The following RAB3GAP1 variants were observed in gnomAD, a reference collection of about 807,000 sequenced individuals.
RAB3GAP1 encodes the protein RAB3 GTPase activating protein catalytic subunit 1, also known as rab3 GTPase-activating protein catalytic subunit.
A neutral mutation model predicts 130.7 loss-of-function variants in RAB3GAP1; 86 were observed. The observed-to-expected ratio is 0.66, with a 90% CI of 0.55 to 0.79. RAB3GAP1 has a LOEUF of 0.79. Among genes scored for constraint, RAB3GAP1 ranks in the 30% least tolerant of loss-of-function variants. The pLI is 0.00. For synonymous variants in RAB3GAP1, 367 were observed against 401.7 expected (o/e 0.91, Z 1.03); for missense variants, 1,029 against 1,169.4 (o/e 0.88, Z 1.75).
chr2:135,071,474 C>T (rs532822282), intron 3 of RAB3GAP1, among the ~76,000 whole-genome samples: 344 of 150,668 alleles, frequency 2.3e-3, no homozygotes, highest in African/African-American at 7.9e-3. Flanking sequence ...GTTGTGGGTA[C>T]GACTGGCTGG....
chr2:135,115,231 T>A lies in RAB3GAP1; in HGVS notation c.498T>A (p.Phe166Leu). The change falls in exon 7 of 24, where the codon TTT (phenylalanine) becomes TTA (leucine). Residue 166 changes from phenylalanine to leucine, a missense_variant. Phe to Leu is a conservative substitution (Grantham distance 22). Coordinates refer to ENST00000264158, the MANE Select transcript of RAB3GAP1 (RefSeq NM_012233.3). ...TGTCTTGCAGTCAGGTGCCACTCTT[T>A]GTGCAAATTCACCACAAATGGCGAA... ...LGNTGCQVPL[F>L]VQIHHKWRRM... 2 of 1,611,112 alleles carry A rather than the reference T, an allele frequency of 1.2e-6. No homozygotes were observed. The highest frequency in any genetic ancestry group is 1.7e-6 in the Non-Finnish European group (2 of 1,177,312).
Position 135,134,050 on chromosome 2 carries a change from TCA to T in RAB3GAP1, c.1499+18_1499+19del. Reference sequence around the variant, plus strand: ...GATTCCAGGGTAATAATTTCAATTTTCAATTGTTTGGATACGATTTTGTTTGT... The same window carrying T: ...GATTCCAGGGTAATAATTTCAATTTTATTGTTTGGATACGATTTTGTTTGT... On this transcript the variant is annotated intron_variant, in intron 15 of 23. Transcript: ENST00000264158. The T allele has an allele frequency of 1.1e-5, 17 of 1,613,346 alleles. No homozygotes were observed. The highest frequency in any genetic ancestry group is 1.4e-5 in the Non-Finnish European group (17 of 1,179,438).
chr2:135,054,944 T>C (rs1302581170), intron 2 of RAB3GAP1, among the ~76,000 whole-genome samples: 1 of 152,240 alleles, frequency 6.6e-6, no homozygotes, highest in Non-Finnish European at 1.5e-5. Flanking sequence ...TTATGAACTA[T>C]ATAGATAATT....
chr2:135,170,795 T>TGA (rs766330871), downstream of RAB3GAP1: 2 of 152,126 alleles, frequency 1.3e-5, no homozygotes, highest in Non-Finnish European at 1.5e-5. Flanking sequence ...GACCAGAAGC[T>TGA]GAGTAGGCAC....
chr2:135,082,541 A>G (rs577317368), intron 3 of RAB3GAP1, among the ~76,000 whole-genome samples: 14 of 151,818 alleles, frequency 9.2e-5, no homozygotes, highest in Non-Finnish European at 1.3e-4. Context: ...CTTGGTTTCA[A>G]ACGATTCTCC....
In RAB3GAP1 at chr2:135,120,919, G is replaced by A. The variant is rs587776651; in HGVS notation, c.748+1G>A. ...TATTTTTGGCCTCAGCAACCTCCAG[G>A]TGAGATCATTTAGAACTATATTTAA... On this transcript the variant is annotated splice_donor_variant, in intron 8 of 23. Coordinates refer to ENST00000264158, the MANE Select transcript of RAB3GAP1 (RefSeq NM_012233.3). LOFTEE classifies it high-confidence loss of function. 6.4e-7 allele frequency: 1 copy of A among 1,567,242 alleles called. No individual in the cohort carries two copies. The highest frequency in any genetic ancestry group is 8.8e-7 in the Non-Finnish European group (1 of 1,137,624).
chr2:135,130,164 A>T, intron 12 of RAB3GAP1, 77 bp downstream of exon 12: 1 of 1,183,880 alleles, frequency 8.4e-7, no homozygotes, highest in Non-Finnish European at 1.3e-6. Flanking sequence ...GCAACTTTTC[A>T]TCTGTTTTCT....
intron 3 of RAB3GAP1, 50 bp downstream of exon 3, chr2:135,058,136 C>T (rs776643727): frequency 7.7e-5 from 114 of 1,473,158 alleles, no homozygotes; most frequent in Non-Finnish European, 1.0e-4. Flanking sequence ...TTTGAAACCT[C>T]TATTTTCCAG....
intron 19 of RAB3GAP1, among the ~76,000 whole-genome samples, chr2:135,158,835 C>G (rs561549927): frequency 1.3e-5 from 2 of 152,280 alleles, no homozygotes; most frequent in African/African-American, 4.8e-5. Context: ...GGCTATGATA[C>G]TCTGATGGAC....
chr2:135,171,682 G>T (rs759106710), downstream of RAB3GAP1, among the ~76,000 whole-genome samples: 1 of 152,152 alleles, frequency 6.6e-6, no homozygotes, highest in Non-Finnish European at 1.5e-5. Context: ...TATGTGCCAG[G>T]TACTGTTCTA....
chr2:135,057,360 A>G (rs1689042434), intron 2 of RAB3GAP1, among the ~76,000 whole-genome samples: 1 of 152,150 alleles, frequency 6.6e-6, no homozygotes, highest in African/African-American at 2.4e-5. Context: ...TAAATAGGTC[A>G]GTTATTGTGG....
chr2:135,073,872 G>A (rs970905953), intron 3 of RAB3GAP1, among the ~76,000 whole-genome samples: 1 of 152,182 alleles, frequency 6.6e-6, no homozygotes, highest in African/African-American at 2.4e-5. Flanking sequence ...TTCATCCCAT[G>A]ATGGGACCGT....
At chr2:135,058,309 GTATATA>G in intron 3 of RAB3GAP1, 1 of 360,076 alleles carries the variant, frequency 2.8e-6, no homozygotes. Flanking sequence ...ATGTGTGTGT[GTATATA>G]TATATATATA....
intron 15 of RAB3GAP1, 149 bp from the exon 16 acceptor site, chr2:135,135,116 C>G (rs886557823): frequency 1.5e-6 from 1 of 679,272 alleles, no homozygotes; most frequent in Non-Finnish European, 2.6e-6. Context: ...CTATGTGCTC[C>G]CCCTCTGGAA....
intron 17 of RAB3GAP1, among the ~76,000 whole-genome samples, chr2:135,143,751 G>A (rs2104965764): frequency 6.6e-6 from 1 of 151,964 alleles, no homozygotes; most frequent in Middle Eastern, 3.4e-3. Context: ...TAGAGACGGG[G>A]TTTCACCATG....
At chr2:135,174,440 C>A (rs999138877), downstream of RAB3GAP1, among the ~76,000 whole-genome samples, 1 of 152,234 alleles carries the variant, frequency 6.6e-6, no homozygotes, top group Non-Finnish European at 1.5e-5. Context: ...AGTCTCCCAG[C>A]CTGCCTGTGT....
At chr2:135,122,647 G>A (rs1384777788) in intron 8 of RAB3GAP1, among the ~76,000 whole-genome samples, 2 of 152,156 alleles carry the variant, frequency 1.3e-5, no homozygotes, top group African/African-American at 4.8e-5. Context: ...ATGAGATACT[G>A]TGCTTTTCAT....
intron 19 of RAB3GAP1, among the ~76,000 whole-genome samples, chr2:135,161,951 A>C (rs542729765): frequency 6.6e-6 from 1 of 152,126 alleles, no homozygotes; most frequent in Non-Finnish European, 1.5e-5. Flanking sequence ...TATACTTCTT[A>C]AAATTTTTAT....
chr2:135,074,792 A>T (rs2104847225), intron 3 of RAB3GAP1, among the ~76,000 whole-genome samples: 1 of 152,370 alleles, frequency 6.6e-6, no homozygotes, highest in East Asian at 1.9e-4. Context: ...GGAAGTACGT[A>T]TTAGAAAAAG....
Sources: gnomAD v4.1 joint callset for allele counts (sites outside exome capture counted in the v4.1 genomes callset) on GRCh38, gnomAD v4.1.1 for gene constraint, MANE v1.5 for transcripts, NCBI Gene and HGNC (gene_info 2026-07-23, HGNC 2026-07-21) for gene names.